The following LRRC7 variants were observed in gnomAD, a reference collection of about 807,000 sequenced individuals.
The protein encoded by LRRC7 is leucine rich repeat containing 7.
A neutral mutation model predicts 175.7 loss-of-function variants in LRRC7; 23 were observed. That is an observed-to-expected ratio of 0.13 (90% CI 0.09 to 0.19). The LOEUF is 0.19. Ranked by LOEUF, LRRC7 falls within the 10% of genes least tolerant of loss-of-function variation. The pLI is 1.00. For synonymous variants in LRRC7, 685 were observed against 680.9 expected (o/e 1.01, Z -0.09); for missense variants, 1,354 against 1,904.7 (o/e 0.71, Z 5.38).
At chr1:69,933,291 C>T (rs1647578575) in intron 8 of LRRC7, among the ~76,000 whole-genome samples, 1 of 152,160 alleles carries the variant, frequency 6.6e-6, no homozygotes, top group Non-Finnish European at 1.5e-5. Context: ...GTGGCCTCAA[C>T]ACAGATATTA....
intron 10 of LRRC7, among the ~76,000 whole-genome samples, chr1:69,989,528 G>A (rs1654237086): frequency 6.6e-6 from 1 of 152,000 alleles, no homozygotes; most frequent in South Asian, 2.1e-4. Flanking sequence ...TTGTAAGTTG[G>A]AAGACAGTGC....
chr1:70,113,098 G>T (rs1665629898), intron 26 of LRRC7, among the ~76,000 whole-genome samples: 1 of 152,162 alleles, frequency 6.6e-6, no homozygotes. Context: ...GGAGAGGTAA[G>T]TTCAGACTCC....
At chr1:69,921,630 C>T (rs1387892085) in intron 7 of LRRC7, among the ~76,000 whole-genome samples, 1 of 152,136 alleles carries the variant, frequency 6.6e-6, no homozygotes, top group Non-Finnish European at 1.5e-5. Context: ...TTATTTCTGG[C>T]CCCAATTATA....
chr1:69,715,872 T>C (rs916894192), intron 2 of LRRC7, among the ~76,000 whole-genome samples: 14 of 152,182 alleles, frequency 9.2e-5, no homozygotes, highest in Middle Eastern at 3.4e-3. Context: ...AAAGCATTTT[T>C]GCTTATAGGT....
At chr1:69,767,265 T>TA (rs1304775133) in intron 3 of LRRC7, among the ~76,000 whole-genome samples, 3 of 152,126 alleles carry the variant, frequency 2.0e-5, no homozygotes, top group Non-Finnish European at 2.9e-5. Context: ...GTCATTTTTT[T>TA]AAAAAATAGA....
intron 1 of LRRC7, among the ~76,000 whole-genome samples, chr1:69,592,423 G>GA (rs1165403871): frequency 3.3e-5 from 5 of 151,878 alleles, no homozygotes; most frequent in Admixed American, 2.0e-4. Context: ...TTTTTTACTC[G>GA]AAAAAAGCTG....
intron 7 of LRRC7, among the ~76,000 whole-genome samples, chr1:69,892,202 G>C (rs1645856440): frequency 6.6e-6 from 1 of 152,196 alleles, no homozygotes; most frequent in African/African-American, 2.4e-5. Flanking sequence ...ATATCAGGCA[G>C]AGAAAATAGT....
intron 26 of LRRC7, among the ~76,000 whole-genome samples, chr1:70,116,573 A>G (rs1465697096): frequency 6.6e-6 from 1 of 151,412 alleles, no homozygotes; most frequent in Admixed American, 6.6e-5. Flanking sequence ...AAACACAGAA[A>G]TTCTTATTTA....
intron 3 of LRRC7, among the ~76,000 whole-genome samples, chr1:69,779,852 G>A (rs2101015833): frequency 6.6e-6 from 1 of 152,160 alleles, no homozygotes; most frequent in East Asian, 1.9e-4. Flanking sequence ...TAGCTCCAAT[G>A]TTACTTGATA....
chr1:69,776,235 T>C (rs1287093695), intron 3 of LRRC7, among the ~76,000 whole-genome samples: 2 of 152,180 alleles, frequency 1.3e-5, no homozygotes, highest in African/African-American at 2.4e-5. Context: ...TTCTTCACGT[T>C]ATATATTATA....
intron 23 of LRRC7, among the ~76,000 whole-genome samples, chr1:70,054,785 T>C (rs1163443536): frequency 2.6e-5 from 4 of 151,332 alleles, no homozygotes; most frequent in Admixed American, 2.6e-4. Flanking sequence ...AGAGACAGGG[T>C]TTCACCGTGT....
rs1347485703 is a variant in LRRC7, at chr1:69,796,559, C to T, written c.421+4399C>T. Among the ~76,000 whole-genome samples the T allele has an allele frequency of 2.6e-5, 4 of 152,052 alleles. No individual in the cohort carries two copies. In the South Asian group the frequency reaches 6.2e-4, roughly 24 times the overall value. On this transcript the variant is annotated intron_variant, in intron 4 of 26. Coordinates refer to ENST00000651989, the MANE Select transcript of LRRC7 (RefSeq NM_001370785.2). Reference sequence around the variant, plus strand: ...CAGTACTTTGGGAGGCCGAGGTGGGCGGATCACCTGAGGTCGGGAGTTCGA... The same window carrying T: ...CAGTACTTTGGGAGGCCGAGGTGGGTGGATCACCTGAGGTCGGGAGTTCGA...
Position 70,129,232 on chromosome 1 carries a change from G to C in LRRC7, c.*7345G>C, listed in dbSNP as rs1263921643. Among the ~76,000 whole-genome samples the C allele has an allele frequency of 1.3e-4, 19 of 150,350 alleles. No individual in the cohort carries two copies. The highest frequency in any genetic ancestry group is 1.3e-3 in the Admixed American group (19 of 15,096). On this transcript the variant is annotated 3_prime_UTR_variant, in exon 27 of 27. Coordinates refer to ENST00000651989, the MANE Select transcript of LRRC7 (RefSeq NM_001370785.2). ...ACAGCTCTCCAGCCTGGGTGACAGAGTGAGACTCCATCTTAAAAAAAAAAA... is the reference window on the plus strand; with the variant it reads ...ACAGCTCTCCAGCCTGGGTGACAGACTGAGACTCCATCTTAAAAAAAAAAA...
chr1:69,620,022 A>G (rs1650304577), intron 1 of LRRC7, among the ~76,000 whole-genome samples: 1 of 152,226 alleles, frequency 6.6e-6, no homozygotes, highest in African/African-American at 2.4e-5. Flanking sequence ...TTTGTGTCAT[A>G]TCAAAGAAGA....
intron 22 of LRRC7, among the ~76,000 whole-genome samples, chr1:70,050,416 T>C (rs1660661675): frequency 1.3e-5 from 2 of 152,134 alleles, no homozygotes; most frequent in Admixed American, 6.6e-5. Flanking sequence ...AGCCATCTTC[T>C]GTATTATTTT....
intron 22 of LRRC7, among the ~76,000 whole-genome samples, chr1:70,048,051 A>G (rs955544571): frequency 1.3e-5 from 2 of 152,026 alleles, no homozygotes; most frequent in Non-Finnish European, 1.5e-5. Flanking sequence ...GCAACTTTCT[A>G]TGATGTTACT....
intron 3 of LRRC7, among the ~76,000 whole-genome samples, chr1:69,768,843 C>G (rs1671916588): frequency 6.6e-6 from 1 of 152,132 alleles, no homozygotes; most frequent in Non-Finnish European, 1.5e-5. Flanking sequence ...CTCCCAAACT[C>G]TTAGTACTTT....
At chr1:70,089,430 A>G (rs529595704) in intron 24 of LRRC7, among the ~76,000 whole-genome samples, 1 of 152,014 alleles carries the variant, frequency 6.6e-6, no homozygotes, top group South Asian at 2.1e-4. Flanking sequence ...AAGTGTTTAT[A>G]AGACTTTTAA....
chr1:69,718,215 A>G (rs1199907094), intron 2 of LRRC7, among the ~76,000 whole-genome samples: 4 of 151,666 alleles, frequency 2.6e-5, no homozygotes, highest in African/African-American at 9.7e-5. Context: ...CATGGTAGCA[A>G]TATGAGACTA....
Sources: gnomAD v4.1 joint callset for allele counts (sites outside exome capture counted in the v4.1 genomes callset) on GRCh38, gnomAD v4.1.1 for gene constraint, MANE v1.5 for transcripts, NCBI Gene and HGNC (gene_info 2026-07-23, HGNC 2026-07-21) for gene names.